Variants in C4orf50 observed in about 807,000 individuals in gnomAD.
C4orf50 encodes uncharacterized protein C4orf50.
Under a neutral mutation model 77.2 loss-of-function variants are expected in C4orf50, and 80 were observed. That is an observed-to-expected ratio of 1.04 (90% CI 0.87 to 1.25). The LOEUF (loss-of-function observed/expected upper bound fraction) is 1.25, where lower values mean the gene tolerates loss of function less well. C4orf50 is among the 50% of genes most tolerant of loss of function. C4orf50 has a pLI of 0.00. For missense variants in C4orf50, 1,257 were observed against 1,152.9 expected, an observed-to-expected ratio of 1.09 and a Z score of -1.31; for synonymous variants, 532 against 465.3, an observed-to-expected ratio of 1.14 and a Z score of -1.84.
intron 7 of C4orf50, among the ~76,000 whole-genome samples, chr4:5,915,184 C>G (rs970294138): frequency 3.3e-5 from 5 of 152,182 alleles, no homozygotes; most frequent in Non-Finnish European, 7.3e-5. Context: ...CCTGGGTCCA[C>G]CTGCCTTAAG....
chr4:5,989,388 C>T, exon 28 of C4orf50: 1 of 1,536,086 alleles, frequency 6.5e-7, no homozygotes, highest in Non-Finnish European at 8.7e-7. Context: ...CGCTGGTGCC[C>T]AGGGCCGTGG....
At chr4:5,968,783 G>A (rs1327828085) in intron 31 of C4orf50, among the ~76,000 whole-genome samples, 4 of 152,186 alleles carry the variant, frequency 2.6e-5, no homozygotes, top group Admixed American at 2.6e-4. Flanking sequence ...TCATTAGACA[G>A]AGGCTCCTTC....
exon 8 of C4orf50, chr4:5,897,939 C>T (rs1223221635): frequency 6.6e-6 from 1 of 152,246 alleles, no homozygotes; most frequent in Admixed American, 6.5e-5. Context: ...TGAACCAAGG[C>T]AGCTCACTCC....
intron 25 of C4orf50, among the ~76,000 whole-genome samples, chr4:6,004,721 G>C (rs557977352): frequency 1.7e-3 from 262 of 150,874 alleles, no homozygotes; most frequent in Non-Finnish European, 3.1e-3. Context: ...GTGATGATGT[G>C]ATGGTGATGA....
chr4:5,966,390 G>T (rs1719566632), intron 32 of C4orf50, among the ~76,000 whole-genome samples: 1 of 151,896 alleles, frequency 6.6e-6, no homozygotes, highest in Non-Finnish European at 1.5e-5. Context: ...CAAGAGAATT[G>T]CTTGCACTGA....
At chr4:6,001,731 G>A (rs1721836436) in intron 25 of C4orf50, among the ~76,000 whole-genome samples, 1 of 152,224 alleles carries the variant, frequency 6.6e-6, no homozygotes, top group Admixed American at 6.5e-5. Context: ...GCTAGTGCTG[G>A]GAATGCAGCA....
At chr4:5,934,532 T>C (rs1717923308) in intron 7 of C4orf50, among the ~76,000 whole-genome samples, 1 of 151,858 alleles carries the variant, frequency 6.6e-6, no homozygotes, top group South Asian at 2.1e-4. Flanking sequence ...GTCCTGCCAC[T>C]CCTCCCTGCA....
At chr4:6,004,274 GTGA>G (rs1722096567) in intron 25 of C4orf50, among the ~76,000 whole-genome samples, 2 of 47,250 alleles carry the variant, frequency 4.2e-5, no homozygotes, top group Non-Finnish European at 4.1e-5. Context: ...GGTGGTGATG[GTGA>G]TGGTGATGTT....
At chr4:5,961,053 G>A (rs1431316813) in intron 33 of C4orf50, among the ~76,000 whole-genome samples, 1 of 151,024 alleles carries the variant, frequency 6.6e-6, no homozygotes, top group Non-Finnish European at 1.5e-5. Flanking sequence ...GGACAAACAA[G>A]GACAAGGACA....
At chr4:6,003,535 A>T (rs934349636) in intron 25 of C4orf50, among the ~76,000 whole-genome samples, 3 of 150,612 alleles carry the variant, frequency 2.0e-5, no homozygotes, top group South Asian at 2.1e-4. Context: ...TGTGGTGGTG[A>T]TGGTGATGGT....
rs114084584 is a variant in C4orf50, at chr4:5,912,195, C to T, written c.*2475-14007G>A. ...AAGCTGCTGATATGTTGGTAAGAGA[C>T]GCATGCAATTGGCTCTCAAAAGGCA... On this transcript the variant is annotated intron_variant, in intron 7 of 7. Coordinates refer to the C4orf50 transcript ENST00000324058. 1.3e-3 allele frequency among the ~76,000 whole-genome samples: 202 copies of T among 151,984 alleles called. 1 individual carries two copies. The Middle Eastern group carries it at 0.02, about 15-fold the overall frequency.
exon 34 of C4orf50, chr4:5,959,520 G>A (rs1218678136): frequency 1.2e-6 from 2 of 1,614,168 alleles, no homozygotes; most frequent in Non-Finnish European, 1.7e-6. Context: ...GGCAGGACAG[G>A]GCATTCCGCC....
chr4:5,912,925 G>A (rs985402456), intron 7 of C4orf50, among the ~76,000 whole-genome samples: 2 of 152,202 alleles, frequency 1.3e-5, no homozygotes, highest in Non-Finnish European at 2.9e-5. Flanking sequence ...TTAGATAAAG[G>A]AGGAGACTGG....
Position 5,959,356 on chromosome 4 carries a change from C to A in C4orf50, c.*19G>T. 1.9e-6 allele frequency: 3 copies of A among 1,606,684 alleles called. No individual in the cohort carries two copies. Among genetic ancestry groups the A allele is most frequent in the Non-Finnish European group, 2.6e-6 (3 of 1,174,332 alleles). On this transcript the variant is annotated 3_prime_UTR_variant, in exon 34 of 34. Transcript: ENST00000531445. ...ATTTATGGAGTCTATGAAATGGCTCCGGAGAATGAGTGGCCCTATTACATT... is the reference window on the plus strand; with the variant it reads ...ATTTATGGAGTCTATGAAATGGCTCAGGAGAATGAGTGGCCCTATTACATT...
chr4:5,906,053 C>T (rs1716538195), intron 7 of C4orf50, among the ~76,000 whole-genome samples: 1 of 152,026 alleles, frequency 6.6e-6, no homozygotes, highest in Admixed American at 6.6e-5. Context: ...GCGCGGACAG[C>T]AAGAGTTGGT....
chr4:5,938,660 C>G (rs1021079274), intron 7 of C4orf50, among the ~76,000 whole-genome samples: 7 of 152,190 alleles, frequency 4.6e-5, no homozygotes, highest in East Asian at 3.9e-4. Context: ...CTCAGATAAC[C>G]TTTTTTATAT....
chr4:6,004,056 G>GGTGATGGTGATGGTGATGATA (rs1722033760), intron 25 of C4orf50, among the ~76,000 whole-genome samples: 2 of 116,404 alleles, frequency 1.7e-5, no homozygotes, highest in African/African-American at 3.3e-5. Flanking sequence ...TGGTGATGAT[G>GGTGATGGTGATGGTGATGATA]GTGATGATGG....
intron 7 of C4orf50, among the ~76,000 whole-genome samples, chr4:5,927,427 G>A (rs761209279): frequency 2.0e-5 from 3 of 151,744 alleles, no homozygotes. Context: ...TCTGCTTGAC[G>A]ACTCCTATCC....
In C4orf50 at chr4:5,935,372, G is replaced by A. The variant is rs983777364; in HGVS notation, c.*2474+21529C>T. ...TCCTGGCTTGAGTTCTAGGTGAAGA[G>A]AAAAAAGCCATCCTTAAGAAGATGT... On this transcript the variant is annotated intron_variant, in intron 7 of 7. Transcript: ENST00000324058. 5.9e-5 allele frequency among the ~76,000 whole-genome samples: 9 copies of A among 152,280 alleles called. No homozygotes were observed. The East Asian group carries it at 1.7e-3, about 29-fold the overall frequency.
Sources: allele counts gnomAD v4.1 joint callset (sites outside exome capture counted in the v4.1 genomes callset), GRCh38; gene constraint gnomAD v4.1.1; transcripts MANE v1.5; gene names NCBI Gene and HGNC (gene_info 2026-07-23, HGNC 2026-07-21).